The following NT5DC1 variants were observed in gnomAD, a reference collection of about 807,000 sequenced individuals.
NT5DC1 encodes the protein 5'-nucleotidase domain containing 1.
Under a neutral mutation model 59.4 loss-of-function variants are expected in NT5DC1, and 42 were observed. The ratio of observed to expected loss-of-function variants is 0.71; its 90% CI spans 0.55 to 0.92. NT5DC1 has a LOEUF of 0.92. Ranked by LOEUF, NT5DC1 falls within the 40% of genes least tolerant of loss-of-function variation. The pLI, the probability that NT5DC1 is intolerant of heterozygous loss-of-function variation, is 0.00. For synonymous variants in NT5DC1, 172 were observed against 188.1 expected, an observed-to-expected ratio of 0.91 and a Z score of 0.70; for missense variants, 501 against 537.1, an observed-to-expected ratio of 0.93 and a Z score of 0.66.
At chr6:116,239,314 T>A (rs1258312953) in intron 11 of NT5DC1, among the ~76,000 whole-genome samples, 191 bp downstream of exon 11, 1 of 149,936 alleles carries the variant, frequency 6.7e-6, no homozygotes, top group Non-Finnish European at 1.5e-5. Flanking sequence ...AGCTCAACAA[T>A]TTTTTTTTTA....
At chr6:116,165,958 A>G (rs1245033543) in intron 6 of NT5DC1, among the ~76,000 whole-genome samples, 1 of 152,114 alleles carries the variant, frequency 6.6e-6, no homozygotes, top group Admixed American at 6.5e-5. Flanking sequence ...GCTTGAGGGG[A>G]GTGAGGGGAT....
intron 6 of NT5DC1, chr6:116,125,511 A>G: frequency 2.5e-6 from 4 of 1,612,742 alleles, no homozygotes; most frequent in Non-Finnish European, 3.4e-6. Context: ...ATGGATTCTG[A>G]AAAACAGAAA....
At chr6:116,171,355 AT>A (rs1233043902) in intron 6 of NT5DC1, among the ~76,000 whole-genome samples, 36 of 152,312 alleles carry the variant, frequency 2.4e-4, no homozygotes, top group African/African-American at 8.7e-4. Flanking sequence ...GAGACCAGGA[AT>A]TATAAATAGA....
chr6:116,148,928 T>C (rs1369027710), intron 6 of NT5DC1, among the ~76,000 whole-genome samples: 2 of 152,210 alleles, frequency 1.3e-5, no homozygotes, highest in African/African-American at 2.4e-5. Flanking sequence ...TTACAGCTTA[T>C]TCCAAGAAGC....
rs140106389 is a variant in NT5DC1, at chr6:116,238,294, G to A, written c.1029G>A (p.Thr343=). Residue 343 remains threonine, a synonymous_variant, in exon 10 of 12, where the codon ACG becomes ACA. Coordinates refer to ENST00000319550, the MANE Select transcript of NT5DC1 (RefSeq NM_152729.3). ...ILEELRGDEG[T]RSQRPEESEP... Reference sequence around the variant, plus strand: ...AAGAACTCAGAGGGGATGAAGGCACGAGGAGTCAGAGGCCTGAGGAGTCAG... The same window carrying A: ...AAGAACTCAGAGGGGATGAAGGCACAAGGAGTCAGAGGCCTGAGGAGTCAG... 9.3e-6 allele frequency: 15 copies of A among 1,613,246 alleles called. No individual in the cohort carries two copies. Among genetic ancestry groups the A allele is most frequent in the African/African-American group, 2.7e-5 (2 of 74,844 alleles).
At chr6:116,228,970 G>A (rs949885186) in intron 8 of NT5DC1, among the ~76,000 whole-genome samples, 1 of 151,878 alleles carries the variant, frequency 6.6e-6, no homozygotes, top group African/African-American at 2.4e-5. Flanking sequence ...TTGTCTCTGG[G>A]CTTCACATTT....
At chr6:116,131,927 T>A (rs1222435956) in intron 6 of NT5DC1, among the ~76,000 whole-genome samples, 4 of 152,178 alleles carry the variant, frequency 2.6e-5, no homozygotes, top group Admixed American at 6.6e-5. Context: ...CATGCAGTAT[T>A]TGGTGTTCTG....
intron 11 of NT5DC1, among the ~76,000 whole-genome samples, chr6:116,241,182 A>C (rs1406061488): frequency 6.6e-6 from 1 of 152,040 alleles, no homozygotes; most frequent in Non-Finnish European, 1.5e-5. Context: ...TAGACAGGGA[A>C]TAATAGAGAA....
At chr6:116,205,135 C>T (rs973999211) in intron 6 of NT5DC1, among the ~76,000 whole-genome samples, 26 of 151,818 alleles carry the variant, frequency 1.7e-4, no homozygotes, top group African/African-American at 6.3e-4. Context: ...CCGGTAAAAC[C>T]CCTTCCTCAT....
chr6:116,188,642 T>C (rs113895661), intron 6 of NT5DC1, among the ~76,000 whole-genome samples: 70 of 151,388 alleles, frequency 4.6e-4, no homozygotes, highest in African/African-American at 1.7e-3. Context: ...ACCATAGATA[T>C]GAGGATAGCA....
intron 6 of NT5DC1, among the ~76,000 whole-genome samples, chr6:116,204,381 T>A (rs1351793814): frequency 6.6e-6 from 1 of 152,004 alleles, no homozygotes; most frequent in Non-Finnish European, 1.5e-5. Flanking sequence ...ATGCACTACC[T>A]AATTAGTAAT....
chr6:116,217,570 T>C (rs1204132265), intron 6 of NT5DC1, among the ~76,000 whole-genome samples: 1 of 152,160 alleles, frequency 6.6e-6, no homozygotes, highest in African/African-American at 2.4e-5. Context: ...TTAATTAGTA[T>C]CATAATTAAA....
intron 6 of NT5DC1, among the ~76,000 whole-genome samples, chr6:116,218,228 G>T (rs1204792): frequency 6.6e-6 from 1 of 151,914 alleles, no homozygotes; most frequent in Non-Finnish European, 1.5e-5. Context: ...ATTTAAATGC[G>T]TATGCCTTGT....
chr6:116,113,397 G>C (rs1778914074), intron 4 of NT5DC1, among the ~76,000 whole-genome samples: 1 of 152,210 alleles, frequency 6.6e-6, no homozygotes, highest in Non-Finnish European at 1.5e-5. Flanking sequence ...TTTTCTCTGT[G>C]TAAAACTTAA....
chr6:116,126,182 A>G (rs1460536316), intron 6 of NT5DC1: 4 of 152,182 alleles, frequency 2.6e-5, no homozygotes, highest in Admixed American at 6.6e-5. Flanking sequence ...CCCTTACTAC[A>G]TGAGGTTACC....
chr6:116,128,970 A>C (rs1247210675), intron 6 of NT5DC1, among the ~76,000 whole-genome samples: 1 of 152,278 alleles, frequency 6.6e-6, no homozygotes, highest in East Asian at 1.9e-4. Context: ...AGTTACAATA[A>C]ATGCCTATAT....
chr6:116,222,030 G>A (rs1354495276), intron 7 of NT5DC1, among the ~76,000 whole-genome samples: 1 of 152,202 alleles, frequency 6.6e-6, no homozygotes, highest in Non-Finnish European at 1.5e-5. Context: ...TATGGAGCAA[G>A]TTTGAGCCTT....
chr6:116,174,553 C>T (rs1257533963), intron 6 of NT5DC1, among the ~76,000 whole-genome samples: 1 of 152,060 alleles, frequency 6.6e-6, no homozygotes, highest in Non-Finnish European at 1.5e-5. Flanking sequence ...ATTTCCTATT[C>T]GTGTTTTGTT....
At chr6:116,201,853 G>A (rs1253219979) in intron 6 of NT5DC1, among the ~76,000 whole-genome samples, 1 of 151,948 alleles carries the variant, frequency 6.6e-6, no homozygotes, top group Non-Finnish European at 1.5e-5. Flanking sequence ...TTTTTTAAAT[G>A]CTCTATTTCT....
Sources: allele counts gnomAD v4.1 joint callset (sites outside exome capture counted in the v4.1 genomes callset), GRCh38; gene constraint gnomAD v4.1.1; transcripts MANE v1.5; gene names NCBI Gene and HGNC (gene_info 2026-07-23, HGNC 2026-07-21).